RMC1: variants seen among roughly 807,000 people sequenced by gnomAD.
The protein encoded by RMC1 is regulator of MON1-CCZ1.
A neutral mutation model predicts 95.5 loss-of-function variants in RMC1; 44 were observed. The ratio of observed to expected loss-of-function variants is 0.46; its 90% confidence interval spans 0.36 to 0.59. RMC1 has a LOEUF of 0.59. RMC1 is among the 20% of genes least tolerant of loss of function. The pLI is 0.00. For missense variants in RMC1, 705 were observed against 819.6 expected (o/e 0.86, Z 1.71); for synonymous variants, 320 against 303.6 (o/e 1.05, Z -0.56).
intron 7 of RMC1, among the ~76,000 whole-genome samples, chr18:23,517,643 CTT>C (rs1448162562): frequency 6.6e-6 from 1 of 152,100 alleles, no homozygotes; most frequent in Non-Finnish European, 1.5e-5. Flanking sequence ...AACTTTCAAA[CTT>C]TATGGTAGTT....
At chr18:23,511,475 G>A (rs1449780078) in intron 5 of RMC1, among the ~76,000 whole-genome samples, 2 of 151,974 alleles carry the variant, frequency 1.3e-5, no homozygotes, top group Non-Finnish European at 2.9e-5. Flanking sequence ...GAACCTAAAA[G>A]TTAAAACAAA....
chr18:23,503,744 C>T (rs967962302), intron 1 of RMC1, 24 bp downstream of exon 1: 3 of 1,576,388 alleles, frequency 1.9e-6, no homozygotes, highest in Non-Finnish European at 2.6e-6. Flanking sequence ...GCGCTTCCTC[C>T]CCCGCGCGGC....
At chr18:23,529,767 CA>C in intron 16 of RMC1, 55 bp downstream of exon 16, 1 of 1,467,248 alleles carries the variant, frequency 6.8e-7, no homozygotes, top group Non-Finnish European at 9.5e-7. Flanking sequence ...AAAAAAAAAA[CA>C]CAGTCACTGT....
Position 23,524,032 on chromosome 18 carries a change from G to T in RMC1, c.962-98G>T, listed in dbSNP as rs773613606. ...TTGACTACAATTGAATAAACATTTC[G>T]TAATGACATTAAAAAGTATTGACTT... is the stretch of plus-strand genomic sequence containing the variant. On this transcript the variant is annotated intron_variant, in intron 10 of 19. Transcript: ENST00000269221. 6 of 1,286,856 alleles carry T rather than the reference G, an allele frequency of 4.7e-6. No homozygotes were observed. The East Asian group carries it at 6.9e-5, about 15-fold the overall frequency. 79.7% of individuals were successfully genotyped at this position (1,286,856 alleles called of 1,614,324 possible). A position where few individuals can be genotyped will look rare whatever the true frequency, so the allele number is the denominator to read the frequency against.
At chr18:23,524,570 A>C (rs1567929097) in intron 12 of RMC1, 88 bp downstream of exon 12, 1 of 1,386,198 alleles carries the variant, frequency 7.2e-7, no homozygotes, top group Non-Finnish European at 1.0e-6. Flanking sequence ...TTCAAGGTGA[A>C]TCTCTTAGAA....
intron 15 of RMC1, 118 bp from the exon 16 acceptor site, chr18:23,529,517 G>C (rs2058419782): frequency 3.2e-6 from 4 of 1,258,800 alleles, no homozygotes; most frequent in Non-Finnish European, 4.6e-6. Flanking sequence ...CAAAACCAGT[G>C]AAAGATGAAC....
intron 14 of RMC1, 45 bp downstream of exon 14, chr18:23,527,946 C>CT: frequency 2.1e-6 from 3 of 1,443,554 alleles, no homozygotes; most frequent in Non-Finnish European, 2.9e-6. Flanking sequence ...CCCCCACCCC[C>CT]TCCCGGGTAT....
intron 7 of RMC1, among the ~76,000 whole-genome samples, chr18:23,517,867 G>A (rs1038991140): frequency 7.9e-5 from 12 of 152,228 alleles, no homozygotes; most frequent in Non-Finnish European, 1.6e-4. Context: ...ACAGGCGCAT[G>A]CCACCACATC....
At chr18:23,529,922 C>CA in intron 16 of RMC1, 106 bp from the exon 17 acceptor site, 1 of 1,159,558 alleles carries the variant, frequency 8.6e-7, no homozygotes, top group Non-Finnish European at 1.2e-6. Flanking sequence ...CTTGTAATGA[C>CA]AGACTTTTAC....
At chr18:23,521,236 G>C (rs1367944359) in intron 10 of RMC1, among the ~76,000 whole-genome samples, 6 of 152,204 alleles carry the variant, frequency 3.9e-5, no homozygotes, top group Non-Finnish European at 5.9e-5. Flanking sequence ...TTCTAAGATA[G>C]ATGAATCTCC....
chr18:23,514,291 G>T (rs1019081406), intron 5 of RMC1, among the ~76,000 whole-genome samples: 1 of 152,190 alleles, frequency 6.6e-6, no homozygotes, highest in Admixed American at 6.5e-5. Context: ...CGAGGTGGGC[G>T]ATCATCTGAG....
Position 23,509,221 on chromosome 18 carries a change from G to A in RMC1, c.350G>A (p.Cys117Tyr). The A allele has an allele frequency of 1.4e-6, 2 of 1,458,512 alleles. No homozygotes were observed. Among genetic ancestry groups the A allele is most frequent in the Non-Finnish European group, 1.8e-6 (2 of 1,103,370 alleles). 90.3% of individuals were successfully genotyped at this position (1,458,512 alleles called of 1,614,324 possible). Reference protein sequence around the residue: ...KTKNANILGFCWTSSTEIVFI... With the variant: ...KTKNANILGFYWTSSTEIVFI... ...AAGAATGCCAACATTCTAGGATTCT[G>A]CTGGACTAGTTCAACTGAAATTGTC... is the stretch of plus-strand genomic sequence containing the variant. The change falls in exon 5 of 20, where the codon TGC (cysteine) becomes TAC (tyrosine). Residue 117 changes from cysteine (C) to tyrosine (Y), a missense_variant. Transcript: ENST00000269221.
At chr18:23,531,015 GAC>G (rs201824191) in intron 19 of RMC1, among the ~76,000 whole-genome samples, 7 of 151,394 alleles carry the variant, frequency 4.6e-5, no homozygotes, top group African/African-American at 1.7e-4. Context: ...TTTTTTTTGA[GAC>G]AGAGTCTCGC....
intron 2 of RMC1, 155 bp downstream of exon 2, chr18:23,504,602 C>T (rs184100209): frequency 4.9e-6 from 3 of 612,248 alleles, no homozygotes; most frequent in East Asian, 5.6e-5. Flanking sequence ...GGAGGGTCTT[C>T]GTGGCACTTA....
intron 3 of RMC1, among the ~76,000 whole-genome samples, chr18:23,507,681 T>A (rs2057749767): frequency 6.6e-6 from 1 of 152,190 alleles, no homozygotes; most frequent in African/African-American, 2.4e-5. Context: ...TGGGGAAGCC[T>A]CTTAGTGCAG....
At chr18:23,514,295 A>G (rs1012898026) in intron 5 of RMC1, among the ~76,000 whole-genome samples, 3 of 152,218 alleles carry the variant, frequency 2.0e-5, no homozygotes, top group Non-Finnish European at 2.9e-5. Flanking sequence ...GTGGGCGATC[A>G]TCTGAGGTCA....
At chr18:23,530,653 A>G (rs1567937917) in intron 19 of RMC1, 41 bp downstream of exon 19, 1 of 1,585,588 alleles carries the variant, frequency 6.3e-7, no homozygotes. Flanking sequence ...CCATAGCCTC[A>G]AAGAGTAGCA....
At position 23,503,515 on chromosome 18, in the gene RMC1, C is replaced by A. The variant is rs1365619032; in HGVS notation, c.-104C>A. 1 of 704,422 alleles carries A rather than the reference C, an allele frequency of 1.4e-6. No individual in the cohort carries two copies. The highest frequency in any genetic ancestry group is 4.7e-5 in the South Asian group (1 of 21,338). 43.6% of individuals were successfully genotyped at this position (704,422 alleles called of 1,614,324 possible). On this transcript the variant is annotated 5_prime_UTR_variant, in exon 1 of 20. Coordinates refer to ENST00000269221, the MANE Select transcript of RMC1 (RefSeq NM_013326.5). ...AGCGGCGTCCGCGCCGGGCCCAGAG[C>A]CGCAGCCGCAGCCGCCGCTACAGTC...
In RMC1 at chr18:23,531,688, G is replaced by T; in HGVS notation, c.1958G>T (p.Arg653Met). ...ATTTTTGGAGACCAAGCTCTAATGA[G>T]GCCTACAACATTCTGAAATCACTTG... ...KQIFGDQALM[R>M]PTTF Residue 653 changes from arginine to methionine, a missense_variant, in exon 20 of 20, where the codon AGG becomes ATG. Arg to Met is a moderately conservative substitution (Grantham distance 91, BLOSUM62 -1). Coordinates refer to ENST00000269221, the MANE Select transcript of RMC1 (RefSeq NM_013326.5). 1 of 1,611,222 alleles carries T rather than the reference G, an allele frequency of 6.2e-7. No homozygotes were observed. Among genetic ancestry groups the T allele is most frequent in the South Asian group, 1.1e-5 (1 of 89,958 alleles).
Sources: allele counts gnomAD v4.1 joint callset (sites outside exome capture counted in the v4.1 genomes callset), GRCh38; gene constraint gnomAD v4.1.1; transcripts MANE v1.5; gene names NCBI Gene and HGNC (gene_info 2026-07-23, HGNC 2026-07-21).